The following SH2D4B variants were observed in gnomAD, a reference collection of about 807,000 sequenced individuals.
The protein encoded by SH2D4B is SH2 domain containing 4B.
A neutral mutation model predicts 61.5 loss-of-function variants in SH2D4B; 45 were observed. The observed-to-expected ratio is 0.73, with a 90% confidence interval of 0.58 to 0.94. The LOEUF (loss-of-function observed/expected upper bound fraction) is 0.94, where lower values mean the gene tolerates loss of function less well. Ranked by LOEUF, SH2D4B falls within the 40% of genes least tolerant of loss-of-function variation. The pLI is 0.00. For synonymous variants in SH2D4B, 224 were observed against 220.4 expected (o/e 1.02, Z -0.14); for missense variants, 572 against 574.2 (o/e 1.00, Z 0.04).
chr10:80,541,241 G>C (rs1841574461), intron 1 of SH2D4B, among the ~76,000 whole-genome samples: 1 of 152,194 alleles, frequency 6.6e-6, no homozygotes, highest in African/African-American at 2.4e-5. Context: ...GCCCAGAAGA[G>C]CCATGGACAA....
intron 1 of SH2D4B, among the ~76,000 whole-genome samples, chr10:80,561,081 A>G (rs1182958315): frequency 1.3e-5 from 2 of 152,186 alleles, no homozygotes; most frequent in Admixed American, 6.5e-5. Context: ...GTTTTGAGAA[A>G]AGCATGTGTG....
chr10:80,633,443 G>C (rs1489286888), intron 6 of SH2D4B, among the ~76,000 whole-genome samples: 1 of 152,206 alleles, frequency 6.6e-6, no homozygotes, highest in South Asian at 2.1e-4. Context: ...GGACACTGGA[G>C]ACCTTGAGGG....
intron 6 of SH2D4B, among the ~76,000 whole-genome samples, chr10:80,613,804 C>T (rs1159112160): frequency 1.3e-5 from 2 of 152,206 alleles, no homozygotes; most frequent in African/African-American, 4.8e-5. Context: ...TTCTTCCCAC[C>T]TGCTTCCACT....
chr10:80,547,567 G>A (rs114958571), intron 1 of SH2D4B, among the ~76,000 whole-genome samples: 1,781 of 152,230 alleles, frequency 0.012, 30 homozygotes, highest in African/African-American at 0.039. Context: ...TGCTGGGAGC[G>A]GGAGGGAGGG....
intron 7 of SH2D4B, among the ~76,000 whole-genome samples, chr10:80,638,541 C>G (rs1219389018): frequency 6.6e-6 from 1 of 152,126 alleles, no homozygotes; most frequent in Non-Finnish European, 1.5e-5. Context: ...AGGAATTTAT[C>G]CATTTCTTCT....
chr10:80,612,549 A>G (rs560347786), intron 6 of SH2D4B, among the ~76,000 whole-genome samples: 3 of 152,308 alleles, frequency 2.0e-5, no homozygotes, highest in East Asian at 3.9e-4. Flanking sequence ...CCCTATTCTT[A>G]GAGCCAGCAC....
chr10:80,579,937 T>C (rs1390389447), intron 3 of SH2D4B, among the ~76,000 whole-genome samples: 1 of 152,248 alleles, frequency 6.6e-6, no homozygotes, highest in Admixed American at 6.5e-5. Context: ...ACAAACCCTG[T>C]CTTCTCTTTA....
chr10:80,591,938 A>G (rs918211910), intron 4 of SH2D4B, among the ~76,000 whole-genome samples: 1 of 152,176 alleles, frequency 6.6e-6, no homozygotes, highest in Non-Finnish European at 1.5e-5. Flanking sequence ...ATCATCTCTT[A>G]AAGGTCTCAC....
chr10:80,566,645 C>T (rs1564769908), intron 1 of SH2D4B, among the ~76,000 whole-genome samples: 1 of 152,072 alleles, frequency 6.6e-6, no homozygotes. Flanking sequence ...CTCACCTTTC[C>T]TAAAAGAGGG....
At chr10:80,564,114 T>C (rs1220837086) in intron 1 of SH2D4B, among the ~76,000 whole-genome samples, 1 of 152,262 alleles carries the variant, frequency 6.6e-6, no homozygotes, top group Non-Finnish European at 1.5e-5. Flanking sequence ...ATTGTCTTTA[T>C]GATGTGTTTT....
At chr10:80,546,348 C>T (rs1032078546) in intron 1 of SH2D4B, among the ~76,000 whole-genome samples, 1 of 151,430 alleles carries the variant, frequency 6.6e-6, no homozygotes, top group Non-Finnish European at 1.5e-5. Flanking sequence ...GCGCTGGCCA[C>T]TCATTCAATT....
Position 80,603,642 on chromosome 10 carries a change from A to ACCACTCGCT in SH2D4B, c.709_710insACTCGCTCC (p.Tyr236_Arg237insHisSerLeu). On this transcript the variant is annotated inframe_insertion, in exon 5 of 8. Transcript: ENST00000646907. ...CGAGCCCAGCGCGCCCGGGACGAGT[A>ACCACTCGCT]CCGACACCACTCGCTCCGTGCTATC... 1 of 1,602,128 alleles carries ACCACTCGCT rather than the reference A, an allele frequency of 6.2e-7. No individual in the cohort carries two copies. The highest frequency in any genetic ancestry group is 8.5e-7 in the Non-Finnish European group (1 of 1,175,128).
intron 1 of SH2D4B, among the ~76,000 whole-genome samples, chr10:80,549,165 A>G (rs1841721823): frequency 6.9e-6 from 1 of 145,310 alleles, no homozygotes. Flanking sequence ...GCAGTGGAAC[A>G]AAGGCTAGGG....
At chr10:80,620,421 T>C (rs1842707413) in intron 6 of SH2D4B, among the ~76,000 whole-genome samples, 1 of 152,224 alleles carries the variant, frequency 6.6e-6, no homozygotes, top group East Asian at 1.9e-4. Flanking sequence ...TGGCCATGCT[T>C]CCTGTACAGC....
intron 1 of SH2D4B, among the ~76,000 whole-genome samples, chr10:80,557,037 T>A (rs1841847079): frequency 6.6e-6 from 1 of 152,164 alleles, no homozygotes; most frequent in Non-Finnish European, 1.5e-5. Context: ...TAGGTTTTCA[T>A]AGATGCATTT....
intron 5 of SH2D4B, 54 bp from the exon 6 acceptor site, chr10:80,609,370 C>T (rs1842564230): frequency 6.4e-7 from 1 of 1,568,410 alleles, no homozygotes; most frequent in African/African-American, 1.3e-5. Context: ...TCCTCTCCCT[C>T]CGCTCTTTCT....
At chr10:80,633,494 G>T (rs1842856811) in intron 6 of SH2D4B, among the ~76,000 whole-genome samples, 1 of 152,190 alleles carries the variant, frequency 6.6e-6, no homozygotes, top group Non-Finnish European at 1.5e-5. Context: ...AGAGGTCGGG[G>T]GTGGGGGTAA....
At position 80,645,051 on chromosome 10, in the gene SH2D4B, C is replaced by T. The variant is rs1408935747; in HGVS notation, c.*966C>T. On this transcript the variant is annotated 3_prime_UTR_variant, in exon 8 of 8. Transcript: ENST00000646907. ...CATACTTGTGTTCCACAGTTATGGC[C>T]ATATACACAGAGGTAGTATATGATG... 6 of 152,152 alleles carry T rather than the reference C, an allele frequency of 3.9e-5. No homozygotes were observed. The highest frequency in any genetic ancestry group is 3.3e-4 in the Admixed American group (5 of 15,282). The allele number at this position is 152,152 out of a possible 1,614,324, so 9.4% of individuals were successfully genotyped here.
chr10:80,622,120 G>A (rs1488238840), intron 6 of SH2D4B, among the ~76,000 whole-genome samples: 1 of 152,078 alleles, frequency 6.6e-6, no homozygotes, highest in Non-Finnish European at 1.5e-5. Context: ...GAGTTCATCA[G>A]CCATCCCTCC....
Sources: gnomAD v4.1 joint callset for allele counts (sites outside exome capture counted in the v4.1 genomes callset) on GRCh38, gnomAD v4.1.1 for gene constraint, MANE v1.5 for transcripts, NCBI Gene and HGNC (gene_info 2026-07-23, HGNC 2026-07-21) for gene names.